Variants in LGI1 observed in about 807,000 individuals in gnomAD.
LGI1 encodes the protein leucine rich glioma inactivated 1.
Under a neutral mutation model 57.7 loss-of-function variants are expected in LGI1, and 11 were observed. The ratio of observed to expected loss-of-function variants is 0.19; its 90% CI spans 0.12 to 0.32. The LOEUF is 0.32. Ranked by LOEUF, LGI1 falls within the 10% of genes least tolerant of loss-of-function variation. The pLI, the probability that LGI1 is intolerant of heterozygous loss-of-function variation, is 1.00. For synonymous variants in LGI1, 222 were observed against 241.9 expected, an observed-to-expected ratio of 0.92 and a Z score of 0.76; for missense variants, 422 against 661.9, an observed-to-expected ratio of 0.64 and a Z score of 3.98.
rs1296941189 is a variant in LGI1, at chr10:93,786,240, C to A, written c.432-3859C>A. ...CATTTGCATGACCTGACCACTCAGG[C>A]CCCCGAGTTCGGTAATTCCTAATCT... On this transcript the variant is annotated intron_variant, in intron 4 of 7. Transcript: ENST00000371418. Among the ~76,000 whole-genome samples the A allele has an allele frequency of 8.5e-5, 4 of 47,318 alleles. 1 individual carries two copies. Among genetic ancestry groups the A allele is most frequent in the African/African-American group, 1.2e-4 (4 of 33,962 alleles). 31.0% of individuals were successfully genotyped at this position (47,318 alleles called of 152,430 possible).
chr10:93,788,733 C>T (rs2059910371), intron 4 of LGI1: 1 of 152,172 alleles, frequency 6.6e-6, no homozygotes, highest in Non-Finnish European at 1.5e-5. Context: ...AACAACATAA[C>T]TAACTTAAAA....
chr10:93,760,751 G>C (rs1247448547), intron 2 of LGI1, among the ~76,000 whole-genome samples: 1 of 152,220 alleles, frequency 6.6e-6, no homozygotes, highest in Non-Finnish European at 1.5e-5. Context: ...CAAGGGACTG[G>C]TTTTTAAATA....
chr10:93,779,477 A>G (rs956427653), intron 4 of LGI1, among the ~76,000 whole-genome samples: 1 of 145,118 alleles, frequency 6.9e-6, no homozygotes, highest in African/African-American at 2.5e-5. Flanking sequence ...AAGGGAGGAA[A>G]GAGGAAAGGA....
At chr10:93,784,772 G>A (rs1231196966) in intron 4 of LGI1, among the ~76,000 whole-genome samples, 1 of 152,034 alleles carries the variant, frequency 6.6e-6, no homozygotes, top group Admixed American at 6.6e-5. Flanking sequence ...CTTTGCAGAG[G>A]AAGGAGGGTC....
intron 2 of LGI1, among the ~76,000 whole-genome samples, chr10:93,761,214 C>T (rs1332495379): frequency 1.3e-5 from 2 of 152,066 alleles, no homozygotes; most frequent in African/African-American, 4.8e-5. Flanking sequence ...CCCTGAAAAC[C>T]CCATATGGGC....
chr10:93,792,517 A>T, intron 5 of LGI1: 1 of 598,042 alleles, frequency 1.7e-6, no homozygotes, highest in South Asian at 1.9e-5. Context: ...GGAATTCAAG[A>T]GGGAGTAAGT....
Position 93,758,064 on chromosome 10 carries a change from T to C in LGI1, c.-81T>C, listed in dbSNP as rs1190287564. 15 of 1,258,600 alleles carry C rather than the reference T, an allele frequency of 1.2e-5. No individual in the cohort carries two copies. The highest frequency in any genetic ancestry group is 1.8e-4 in the Middle Eastern group (1 of 5,416). 78.0% of individuals were successfully genotyped at this position (1,258,600 alleles called of 1,614,324 possible). A position where few individuals can be genotyped will look rare whatever the true frequency, so the allele number is the denominator to read the frequency against. ...GGCAGAGGAAAAGGGTGGACTCCTA[T>C]GTGACCTGTTCTTAGAGCAAGACAA... On this transcript the variant is annotated 5_prime_UTR_variant, in exon 1 of 8. The change abolishes an upstream ATG in the 5' untranslated region. Transcript: ENST00000371418. The surrounding 1 kb of genome is among the most constrained non-coding windows in gnomAD (Gnocchi z 4.7).
intron 4 of LGI1, among the ~76,000 whole-genome samples, chr10:93,787,001 A>T (rs1479578548): frequency 6.6e-6 from 1 of 152,072 alleles, no homozygotes; most frequent in Non-Finnish European, 1.5e-5. Context: ...TCTAAATGTA[A>T]CCTGTCACTG....
chr10:93,781,458 A>G (rs1332308380), intron 4 of LGI1, among the ~76,000 whole-genome samples: 4 of 152,134 alleles, frequency 2.6e-5, no homozygotes, highest in African/African-American at 9.7e-5. Context: ...ATTAACCCTT[A>G]AAACCCTGCA....
chr10:93,780,949 C>T (rs1234553351), intron 4 of LGI1, among the ~76,000 whole-genome samples: 1 of 152,226 alleles, frequency 6.6e-6, no homozygotes, highest in Non-Finnish European at 1.5e-5. Flanking sequence ...AAGCCACTCC[C>T]TTACCTGCGC....
At chr10:93,762,148 T>A (rs906754999) in intron 2 of LGI1, among the ~76,000 whole-genome samples, 1 of 152,192 alleles carries the variant, frequency 6.6e-6, no homozygotes, top group Non-Finnish European at 1.5e-5. Flanking sequence ...AGTTTTAGTA[T>A]CATGCTCAAA....
At chr10:93,761,811 A>G (rs2059626694) in intron 2 of LGI1, among the ~76,000 whole-genome samples, 1 of 152,228 alleles carries the variant, frequency 6.6e-6, no homozygotes, top group Admixed American at 6.5e-5. Flanking sequence ...ACCTTTCCCA[A>G]GCAAATGCAA....
At chr10:93,781,337 T>C (rs764239410) in intron 4 of LGI1, among the ~76,000 whole-genome samples, 1 of 151,570 alleles carries the variant, frequency 6.6e-6, no homozygotes, top group Non-Finnish European at 1.5e-5. Context: ...CCAGCCTAGG[T>C]GAAAGAGCAA....
rs151104648 is a variant in LGI1, at chr10:93,777,436, A to G, written c.345A>G (p.Pro115=). ...VISDDAFIGL[P]HLEYLFIENN... Reference sequence around the variant, plus strand: ...GTGATGATGCTTTTATTGGTCTTCCACATCTAGAGTATTTGTAAGTAAAAA... The same window carrying G: ...GTGATGATGCTTTTATTGGTCTTCCGCATCTAGAGTATTTGTAAGTAAAAA... Residue 115 remains proline, a synonymous_variant, in exon 3 of 8, where the codon CCA becomes CCG. Transcript: ENST00000371418. 1.5e-3 allele frequency: 2,388 copies of G among 1,613,986 alleles called. 4 individuals carry two copies. Among genetic ancestry groups the G allele is most frequent in the Non-Finnish European group, 1.8e-3 (2,066 of 1,179,860 alleles).
intron 2 of LGI1, chr10:93,767,901 C>A (rs548752637): frequency 6.6e-6 from 1 of 152,312 alleles, no homozygotes; most frequent in East Asian, 1.9e-4. Context: ...GAGCAGATTT[C>A]ATCACAGCTA....
rs2059594718 is a variant in LGI1, at chr10:93,758,937, T to C, written c.287+106T>C. On this transcript the variant is annotated intron_variant, in intron 2 of 7. Coordinates refer to ENST00000371418, the MANE Select transcript of LGI1 (RefSeq NM_005097.4). This position sits in a 1 kb window ranked among gnomAD's most constrained non-coding sequence, Gnocchi z 4.7. Reference sequence around the variant, plus strand: ...ATTTTGTCAAATGTGATTCTATTTCTGAGAAAACAGAATATCCGTAAAGTG... The same window carrying C: ...ATTTTGTCAAATGTGATTCTATTTCCGAGAAAACAGAATATCCGTAAAGTG... The C allele has an allele frequency of 4.4e-6, 4 of 901,734 alleles. No homozygotes were observed. 55.9% of individuals were successfully genotyped at this position (901,734 alleles called of 1,614,324 possible).
chr10:93,791,450 C>T (rs543570608), intron 5 of LGI1: 2 of 152,312 alleles, frequency 1.3e-5, no homozygotes, highest in East Asian at 3.9e-4. Flanking sequence ...TTGAAATTGG[C>T]TCAGTCTCTC....
intron 4 of LGI1, among the ~76,000 whole-genome samples, chr10:93,787,487 C>T (rs1357903023): frequency 6.6e-6 from 1 of 152,184 alleles, no homozygotes; most frequent in Admixed American, 6.5e-5. Flanking sequence ...ATTCTGGAAG[C>T]CCCATAGCTC....
At chr10:93,774,271 T>C (rs1047514405) in intron 2 of LGI1, among the ~76,000 whole-genome samples, 27 of 152,076 alleles carry the variant, frequency 1.8e-4, no homozygotes, top group Admixed American at 1.5e-3. Flanking sequence ...CGTTTAGAAT[T>C]TAACCAGAAT....
Sources: gnomAD v4.1 joint callset for allele counts (sites outside exome capture counted in the v4.1 genomes callset) on GRCh38, gnomAD v4.1.1 for gene constraint, Gnocchi (gnomAD v3.1) non-coding constraint, MANE v1.5 for transcripts, NCBI Gene and HGNC (gene_info 2026-07-23, HGNC 2026-07-21) for gene names.